Variants in ZZEF1 observed in about 807,000 individuals in gnomAD.
ZZEF1 encodes the protein zinc finger ZZ-type and EF-hand domain-containing protein 1.
A neutral mutation model predicts 342.8 loss-of-function variants in ZZEF1; 157 were observed. The observed-to-expected ratio is 0.46, with a 90% CI of 0.40 to 0.52. The LOEUF (loss-of-function observed/expected upper bound fraction) is 0.52, where lower values mean the gene tolerates loss of function less well. Among genes scored for constraint, ZZEF1 ranks in the 20% least tolerant of loss-of-function variants. The pLI is 0.00. For synonymous variants in ZZEF1, 1,505 were observed against 1,429.1 expected (o/e 1.05, Z -1.20); for missense variants, 3,480 against 3,725.6 (o/e 0.93, Z 1.72).
intron 5 of ZZEF1, among the ~76,000 whole-genome samples, chr17:4,111,205 T>C (rs1413879845): frequency 6.7e-6 from 1 of 149,820 alleles, no homozygotes; most frequent in Non-Finnish European, 1.5e-5. Flanking sequence ...TATGTGTGTG[T>C]ATGTAAACCA....
rs1178864450 is a variant in ZZEF1 at position 4,014,562 on chromosome 17, A to T, written c.8146-47T>A. ...CACATCTGTCGATGCTGCTCACTAG[A>T]CACTGACTGCAGCTGTCCCATGCCG... On this transcript the variant is annotated intron_variant, in intron 49 of 54. Coordinates refer to ENST00000381638, the MANE Select transcript of ZZEF1 (RefSeq NM_015113.4). This position sits in a 1 kb window ranked among gnomAD's most constrained non-coding sequence, Gnocchi z 4.4. 1 of 1,596,122 alleles carries T rather than the reference A, an allele frequency of 6.3e-7. No individual in the cohort carries two copies. Among genetic ancestry groups the T allele is most frequent in the South Asian group, 1.1e-5 (1 of 89,986 alleles).
intron 1 of ZZEF1, among the ~76,000 whole-genome samples, chr17:4,137,182 T>C (rs1219203035): frequency 6.6e-6 from 1 of 152,120 alleles, no homozygotes; most frequent in African/African-American, 2.4e-5. Flanking sequence ...GGTGAGGTGG[T>C]ATTTTGGAAA....
At position 4,032,096 on chromosome 17, in the gene ZZEF1, T is replaced by A. The variant is rs1009292619; in HGVS notation, c.6892+30A>T. The A allele has an allele frequency of 3.7e-6, 6 of 1,601,474 alleles. No individual in the cohort carries two copies. In the East Asian group the frequency reaches 1.3e-4, roughly 36 times the overall value. ...GGAGGGATTAGGCATTTTTCTTCCA[T>A]TCTTAGAAAAAAATAATTACGCATG... On this transcript the variant is annotated intron_variant, in intron 42 of 54. Transcript: ENST00000381638.
At chr17:4,059,381 T>C in intron 30 of ZZEF1, 91 bp from the exon 31 acceptor site, 2 of 1,506,058 alleles carry the variant, frequency 1.3e-6, no homozygotes, top group Non-Finnish European at 8.9e-7. Context: ...AAAGAGCAAG[T>C]GGCAGTCAGC....
Position 4,105,755 on chromosome 17 carries a change from G to A in ZZEF1, c.1332C>T (p.Phe444=), listed in dbSNP as rs1567845983. 33 of 1,613,322 alleles carry A rather than the reference G, an allele frequency of 2.0e-5. No individual in the cohort carries two copies. Among genetic ancestry groups the A allele is most frequent in the Non-Finnish European group, 2.8e-5 (33 of 1,179,768 alleles). Residue 444 remains phenylalanine (F), a synonymous_variant, in exon 7 of 55, where the codon TTC becomes TTT. Transcript: ENST00000381638. ...GCACATTAGGGGAGAGGAAAGTTGA[G>A]AAATCTGTAGATCCTGGTGAGAGAG... is the stretch of plus-strand genomic sequence containing the variant. The part of the protein sequence containing the change: ...PLSLSPGSTD[F]STFLSPNVLE...
At chr17:4,137,426 C>T (rs533576501) in intron 1 of ZZEF1, among the ~76,000 whole-genome samples, 32 of 152,212 alleles carry the variant, frequency 2.1e-4, no homozygotes, top group Admixed American at 5.9e-4. Context: ...CTGGCTAACA[C>T]GGTGAAACCC....
intron 1 of ZZEF1, among the ~76,000 whole-genome samples, chr17:4,124,724 C>CCTGGTG (rs1401589607): frequency 6.6e-6 from 1 of 151,622 alleles, no homozygotes; most frequent in Non-Finnish European, 1.5e-5. Flanking sequence ...TCCCAAAGTG[C>CCTGGTG]TGGGATTACA....
At position 4,006,085 on chromosome 17, in the gene ZZEF1, T is replaced by A. The variant is rs998131061; in HGVS notation, c.*805A>T. ...CTGATCATCTTCACGGTACATAAGC[T>A]CACGCGTGCTCCTCACATTCTGCTC... On this transcript the variant is annotated 3_prime_UTR_variant, in exon 55 of 55. Coordinates refer to ENST00000381638, the MANE Select transcript of ZZEF1 (RefSeq NM_015113.4). 1.3e-5 allele frequency: 2 copies of A among 152,356 alleles called. No individual in the cohort carries two copies. The highest frequency in any genetic ancestry group is 4.8e-5 in the African/African-American group (2 of 41,450). The allele number at this position is 152,356 out of a possible 1,614,324, so 9.4% of individuals were successfully genotyped here.
In ZZEF1 at chr17:4,006,466, T is replaced by G. The variant is rs1597740262; in HGVS notation, c.*424A>C. On this transcript the variant is annotated 3_prime_UTR_variant, in exon 55 of 55. Coordinates refer to ENST00000381638, the MANE Select transcript of ZZEF1 (RefSeq NM_015113.4). Reference sequence around the variant, plus strand: ...TCCCAGGCTGGGCAGCCACTGGGGGTCTTGCTGGAAAGGTGGATCTGGGTG... The same window carrying G: ...TCCCAGGCTGGGCAGCCACTGGGGGGCTTGCTGGAAAGGTGGATCTGGGTG... 4.3e-6 allele frequency: 1 copy of G among 233,184 alleles called. No individual in the cohort carries two copies. 14.4% of individuals were successfully genotyped at this position (233,184 alleles called of 1,614,324 possible).
At chr17:4,117,646 C>T (rs1462471624) in intron 2 of ZZEF1, among the ~76,000 whole-genome samples, 2 of 11,038 alleles carry the variant, frequency 1.8e-4, no homozygotes, top group Non-Finnish European at 7.2e-4. Flanking sequence ...GAAACTCCAC[C>T]TCAAAAAAAA....
Position 4,017,726 on chromosome 17 carries a change from C to T in ZZEF1, c.7646G>A (p.Arg2549Gln), listed in dbSNP as rs373382973. 38 of 1,611,374 alleles carry T rather than the reference C, an allele frequency of 2.4e-5. No homozygotes were observed. In the East Asian group the frequency reaches 3.3e-4, roughly 14 times the overall value. The change falls in exon 48 of 55, where the codon CGG (arginine) becomes CAG (glutamine). Residue 2549 changes from arginine (R) to glutamine (Q), a missense_variant. This residue lies in a region of ZZEF1 where 1,269 missense variants were observed against 1,342.4 expected (regional missense o/e 0.95). Transcript: ENST00000381638. The surrounding 1 kb of genome is among the most constrained non-coding windows in gnomAD (Gnocchi z 5.1). ...TDMIILPCLS[R>Q]PARCDQATAE... ...AGTGGCTTGGTCACAGCGTGCAGGC[C>T]GGGACTGCAAACCCAAGACCACCAT...
chr17:4,038,224 T>C lies in ZZEF1; in HGVS notation c.6307-3932A>G, dbSNP rs139685716. Among the ~76,000 whole-genome samples, 51 of 152,296 alleles carry C rather than the reference T, an allele frequency of 3.3e-4. No homozygotes were observed. In the East Asian group the frequency reaches 4.6e-3, roughly 14 times the overall value. ...GTGGGAGTGTGAACCGGTACAAACATTGCAGAAACTGTTTGGCAGGGAGTG... is the reference window on the plus strand; with the variant it reads ...GTGGGAGTGTGAACCGGTACAAACACTGCAGAAACTGTTTGGCAGGGAGTG... On this transcript the variant is annotated intron_variant, in intron 39 of 54. Transcript: ENST00000381638.
chr17:4,132,676 C>T (rs1325086210), intron 1 of ZZEF1, among the ~76,000 whole-genome samples: 1 of 141,160 alleles, frequency 7.1e-6, no homozygotes, highest in Non-Finnish European at 1.6e-5. Flanking sequence ...ACTAAAAATA[C>T]AAAAAATTAG....
intron 12 of ZZEF1, among the ~76,000 whole-genome samples, 183 bp from the exon 13 acceptor site, chr17:4,089,076 C>T (rs546385300): frequency 3.3e-5 from 5 of 152,178 alleles, no homozygotes; most frequent in Admixed American, 3.3e-4. Context: ...AAAAAAAAGA[C>T]AATACAAATG....
At chr17:4,046,249 T>C (rs2056910425) in intron 37 of ZZEF1, among the ~76,000 whole-genome samples, 1 of 152,220 alleles carries the variant, frequency 6.6e-6, no homozygotes, top group Non-Finnish European at 1.5e-5. Flanking sequence ...ATCAGGAGTC[T>C]AGTGGTGAGC....
chr17:4,042,132 T>G (rs1597801385), intron 39 of ZZEF1, among the ~76,000 whole-genome samples: 1 of 152,114 alleles, frequency 6.6e-6, no homozygotes, highest in East Asian at 1.9e-4. Flanking sequence ...AACTGGTGAA[T>G]CTAGGTGAAG....
intron 3 of ZZEF1, 125 bp downstream of exon 3, chr17:4,116,847 G>A (rs537103474): frequency 1.0e-5 from 10 of 999,876 alleles, no homozygotes; most frequent in Admixed American, 2.6e-5. Flanking sequence ...ACATTCTTAC[G>A]TTACAAACTC....
At chr17:4,060,579 AAC>A (rs2057264369) in intron 30 of ZZEF1, among the ~76,000 whole-genome samples, 1 of 151,570 alleles carries the variant, frequency 6.6e-6, no homozygotes, top group African/African-American at 2.4e-5. Context: ...CAACAACAAC[AAC>A]AAAAAACAAA....
rs577534186 is a variant in ZZEF1, at chr17:4,068,566, C to T, written c.4076-1324G>A. ...CCTCCCAAAGTGCTGGGATTACAGGCGTAAAGCCACTGCACCCAGCCTAAC... is the reference window on the plus strand; with the variant it reads ...CCTCCCAAAGTGCTGGGATTACAGGTGTAAAGCCACTGCACCCAGCCTAAC... On this transcript the variant is annotated intron_variant, in intron 26 of 54. Transcript: ENST00000381638. Among the ~76,000 whole-genome samples the T allele has an allele frequency of 7.6e-3, 982 of 128,552 alleles. 11 individuals carry two copies. Among genetic ancestry groups the T allele is most frequent in the African/African-American group, 0.032 (944 of 29,302 alleles). The allele number at this position is 128,552 out of a possible 152,430, so 84.3% of individuals were successfully genotyped here.
Sources: gnomAD v4.1 joint callset for allele counts (sites outside exome capture counted in the v4.1 genomes callset) on GRCh38, gnomAD v4.1.1 for gene constraint, gnomAD v4.1.1 regional missense constraint, Gnocchi (gnomAD v3.1) non-coding constraint, MANE v1.5 for transcripts, NCBI Gene and HGNC (gene_info 2026-07-23, HGNC 2026-07-21) for gene names.